Variants in FANCC observed in about 807,000 individuals in gnomAD.
The protein encoded by FANCC is Fanconi anemia group C protein.
A neutral mutation model predicts 71.3 loss-of-function variants in FANCC; 55 were observed. That is an observed-to-expected ratio of 0.77 (90% CI 0.62 to 0.97). FANCC has a LOEUF of 0.97. FANCC is among the 50% of genes least tolerant of loss of function. The pLI is 0.00. For synonymous variants in FANCC, 275 were observed against 244.9 expected, an observed-to-expected ratio of 1.12 and a Z score of -1.15; for missense variants, 678 against 670.9, an observed-to-expected ratio of 1.01 and a Z score of -0.12.
intron 1 of FANCC, among the ~76,000 whole-genome samples, chr9:95,259,088 T>C (rs979625859): frequency 9.2e-5 from 14 of 152,128 alleles, no homozygotes; most frequent in African/African-American, 3.1e-4. Context: ...ATAGGAAGAA[T>C]AGATATCATG....
chr9:95,209,099 A>G (rs1282006376), intron 4 of FANCC, among the ~76,000 whole-genome samples: 2 of 152,150 alleles, frequency 1.3e-5, no homozygotes, highest in Non-Finnish European at 2.9e-5. Flanking sequence ...CTACTAAATG[A>G]TATTACTAAA....
chr9:95,252,274 C>CA (rs71366284), intron 1 of FANCC, among the ~76,000 whole-genome samples: 23,942 of 50,210 alleles, frequency 0.48, 5,764 homozygotes, highest in Non-Finnish European at 0.51. Context: ...GAGACTGATT[C>CA]AAAAAAAAAA....
At chr9:95,302,556 C>G (rs959287036) in intron 1 of FANCC, among the ~76,000 whole-genome samples, 20 of 152,198 alleles carry the variant, frequency 1.3e-4, no homozygotes, top group African/African-American at 4.6e-4. Context: ...ATAATCTGTT[C>G]CGAGAAATTC....
intron 4 of FANCC, among the ~76,000 whole-genome samples, chr9:95,208,078 T>G (rs1202316220): frequency 2.8e-3 from 2 of 720 alleles, no homozygotes; most frequent in Non-Finnish European, 0.011. Context: ...TCCAGAAGCC[T>G]TTTTTTTTTT....
intron 4 of FANCC, among the ~76,000 whole-genome samples, chr9:95,185,011 A>C (rs1314976769): frequency 6.6e-6 from 1 of 152,256 alleles, no homozygotes; most frequent in Non-Finnish European, 1.5e-5. Context: ...AGTTTCACTG[A>C]TAACTCTTAA....
chr9:95,152,136 C>T (rs1830211457), intron 6 of FANCC, among the ~76,000 whole-genome samples: 1 of 152,134 alleles, frequency 6.6e-6, no homozygotes, highest in Admixed American at 6.6e-5. Context: ...CTTGTATTTC[C>T]TCTTCAGAGA....
rs77565444 is a variant in FANCC at position 95,211,994 on chromosome 9, C to A, written c.345+28655G>T. Reference sequence around the variant, plus strand: ...AAAGACTTAAAGATTTAAAGTCATTCTTTCTTTAAACCTTTTTTTAAAAGA... The same window carrying A: ...AAAGACTTAAAGATTTAAAGTCATTATTTCTTTAAACCTTTTTTTAAAAGA... On this transcript the variant is annotated intron_variant, in intron 4 of 14. Coordinates refer to ENST00000289081, the MANE Select transcript of FANCC (RefSeq NM_000136.3). Among the ~76,000 whole-genome samples the A allele has an allele frequency of 3.0e-3, 458 of 152,020 alleles. 3 individuals are homozygous for A. The highest frequency in any genetic ancestry group is 0.011 in the African/African-American group (438 of 41,480).
Position 95,247,418 on chromosome 9 carries a change from T to C in FANCC, c.250+14A>G. ...AAAATAGCCATTTTGAGAGGACACG[T>C]TTTTGATTCTTACCATATGCTAAAA... On this transcript the variant is annotated intron_variant, in intron 3 of 14. Coordinates refer to ENST00000289081, the MANE Select transcript of FANCC (RefSeq NM_000136.3). 6.3e-7 allele frequency: 1 copy of C among 1,598,288 alleles called. No homozygotes were observed. The highest frequency in any genetic ancestry group is 2.2e-5 in the East Asian group (1 of 44,726).
At chr9:95,134,414 C>T (rs1827342671) in intron 8 of FANCC, among the ~76,000 whole-genome samples, 1 of 152,182 alleles carries the variant, frequency 6.6e-6, no homozygotes, top group Non-Finnish European at 1.5e-5. Context: ...CTCCCTCCTT[C>T]CCAGTGTCCC....
chr9:95,252,302 AAAAG>A (rs1376413162), intron 1 of FANCC, among the ~76,000 whole-genome samples: 3 of 151,236 alleles, frequency 2.0e-5, no homozygotes, highest in East Asian at 3.9e-4. Flanking sequence ...AAAGAAAAAA[AAAAG>A]AAACAAAGAA....
intron 1 of FANCC, among the ~76,000 whole-genome samples, chr9:95,300,159 T>C (rs1299784565): frequency 2.0e-5 from 3 of 152,178 alleles, no homozygotes; most frequent in African/African-American, 7.2e-5. Flanking sequence ...ATTCAGCAAG[T>C]ATCGTATTTA....
chr9:95,246,048 G>A (rs1830955207), intron 3 of FANCC, among the ~76,000 whole-genome samples: 1 of 152,198 alleles, frequency 6.6e-6, no homozygotes, highest in African/African-American at 2.4e-5. Flanking sequence ...CTGTGTGTGT[G>A]CATATCCACG....
At chr9:95,118,409 C>T (rs2072603356) in intron 10 of FANCC, among the ~76,000 whole-genome samples, 2 of 152,246 alleles carry the variant, frequency 1.3e-5, no homozygotes, top group African/African-American at 4.8e-5. Context: ...CCCCAAGGGG[C>T]ACAGAAGCTT....
chr9:95,297,817 T>C (rs1323660230), intron 1 of FANCC, among the ~76,000 whole-genome samples: 2 of 152,208 alleles, frequency 1.3e-5, no homozygotes, highest in Admixed American at 1.3e-4. Context: ...AATTTCTCGC[T>C]TCTCACAAGA....
At chr9:95,250,835 A>G (rs1831286846) in intron 1 of FANCC, among the ~76,000 whole-genome samples, 1 of 152,242 alleles carries the variant, frequency 6.6e-6, no homozygotes, top group African/African-American at 2.4e-5. Context: ...TTCATTCTCT[A>G]TGCAGTAGAC....
At chr9:95,238,751 G>T (rs1830465969) in intron 4 of FANCC, among the ~76,000 whole-genome samples, 1 of 151,948 alleles carries the variant, frequency 6.6e-6, no homozygotes, top group African/African-American at 2.4e-5. Flanking sequence ...ATTTTTAGTA[G>T]AGACAAGGTT....
chr9:95,105,024 A>G (rs1387323250), intron 14 of FANCC, among the ~76,000 whole-genome samples: 1 of 152,210 alleles, frequency 6.6e-6, no homozygotes, highest in Non-Finnish European at 1.5e-5. Flanking sequence ...GCATTTTATA[A>G]GAGTACACAA....
At chr9:95,206,644 A>G (rs1828138650) in intron 4 of FANCC, among the ~76,000 whole-genome samples, 1 of 152,198 alleles carries the variant, frequency 6.6e-6, no homozygotes, top group Non-Finnish European at 1.5e-5. Flanking sequence ...GCTCTTAAAG[A>G]AGATATACAG....
chr9:95,111,106 C>T (rs1172295139), intron 13 of FANCC: 7 of 1,522,340 alleles, frequency 4.6e-6, no homozygotes, highest in Non-Finnish European at 6.2e-6. Flanking sequence ...GGCTCTGCTG[C>T]CGGCACACCC....
Sources: gnomAD v4.1 joint callset for allele counts (sites outside exome capture counted in the v4.1 genomes callset) on GRCh38, gnomAD v4.1.1 for gene constraint, MANE v1.5 for transcripts, NCBI Gene and HGNC (gene_info 2026-07-23, HGNC 2026-07-21) for gene names.